ACCSL: variants seen among roughly 807,000 people sequenced by gnomAD.
ACCSL encodes the protein 1-aminocyclopropane-1-carboxylate synthase homolog (inactive) like, also known as probable inactive 1-aminocyclopropane-1-carboxylate synthase-like protein 2.
A neutral mutation model predicts 61.7 loss-of-function variants in ACCSL; 55 were observed. The ratio of observed to expected loss-of-function variants is 0.89; its 90% CI spans 0.72 to 1.12. ACCSL has a LOEUF of 1.12. Ranked by LOEUF, ACCSL falls within the 50% of genes most tolerant of loss-of-function variation. ACCSL has a pLI of 0.00. For missense variants in ACCSL, 632 were observed against 698.0 expected (o/e 0.91, Z 1.07); for synonymous variants, 258 against 264.3 (o/e 0.98, Z 0.23).
the ACCSL span, among the ~76,000 whole-genome samples, chr11:44,024,421 C>T: frequency 9.3e-6 from 1 of 107,338 alleles, no homozygotes; most frequent in African/African-American, 3.7e-5. Context: ...ATCTCTCTCT[C>T]TCTTTCTCTC....
chr11:44,044,290 G>A (rs1200522706), upstream of ACCSL, among the ~76,000 whole-genome samples: 1 of 152,146 alleles, frequency 6.6e-6, no homozygotes, highest in African/African-American at 2.4e-5. Context: ...TGGCTCTAAT[G>A]TGAGACCCTA....
the ACCSL span, among the ~76,000 whole-genome samples, chr11:44,030,084 T>A: frequency 1.5e-5 from 2 of 131,650 alleles, no homozygotes; most frequent in African/African-American, 2.8e-5. Context: ...TTTTTTTTTT[T>A]AGTATAAAGG....
chr11:44,016,756 T>C, the ACCSL span, among the ~76,000 whole-genome samples: 7 of 152,138 alleles, frequency 4.6e-5, no homozygotes, highest in South Asian at 4.1e-4. Context: ...AAAGCTGCTA[T>C]GGCATTTCTT....
upstream of ACCSL, among the ~76,000 whole-genome samples, chr11:44,047,435 C>T (rs562611795): frequency 1.9e-4 from 29 of 152,322 alleles, no homozygotes; most frequent in African/African-American, 6.5e-4. Context: ...TTTTAGGCTT[C>T]GTGGACCACA....
chr11:44,045,423 G>C (rs1952591789), upstream of ACCSL, among the ~76,000 whole-genome samples: 1 of 152,104 alleles, frequency 6.6e-6, no homozygotes, highest in Non-Finnish European at 1.5e-5. Flanking sequence ...CTGGGCGAGA[G>C]AGTGAGATTC....
At chr11:43,996,180 T>C in the ACCSL span, among the ~76,000 whole-genome samples, 3 of 152,212 alleles carry the variant, frequency 2.0e-5, no homozygotes, top group Non-Finnish European at 2.9e-5. Flanking sequence ...TGATCTCAGA[T>C]TTCCAGCCGC....
the ACCSL span, chr11:43,943,228 A>T: frequency 6.6e-7 from 1 of 1,520,362 alleles, no homozygotes. The surrounding 1 kb of genome is among the most constrained non-coding windows in gnomAD (Gnocchi z 4.8). Flanking sequence ...GCAGCTGCAA[A>T]CTGAGGAACA....
chr11:44,028,151 G>C, the ACCSL span, among the ~76,000 whole-genome samples: 2 of 152,036 alleles, frequency 1.3e-5, no homozygotes, highest in South Asian at 4.1e-4. Flanking sequence ...GGGTGACAGA[G>C]TGAGACCCTA....
At chr11:44,029,747 C>T in the ACCSL span, among the ~76,000 whole-genome samples, 2 of 152,138 alleles carry the variant, frequency 1.3e-5, no homozygotes, top group African/African-American at 4.8e-5. Flanking sequence ...CTGCTTACAT[C>T]CTTGCCTGAT....
At chr11:44,035,666 G>A in the ACCSL span, among the ~76,000 whole-genome samples, 7 of 152,130 alleles carry the variant, frequency 4.6e-5, no homozygotes, top group Admixed American at 2.0e-4. Flanking sequence ...GGCAGGGCAC[G>A]GTGGCTCAGG....
At chr11:44,054,373 C>A (rs1952657890) in intron 8 of ACCSL, among the ~76,000 whole-genome samples, 1 of 152,034 alleles carries the variant, frequency 6.6e-6, no homozygotes, top group Non-Finnish European at 1.5e-5. Flanking sequence ...GGGTTCACTT[C>A]CCAGCTATAG....
the ACCSL span, among the ~76,000 whole-genome samples, chr11:43,928,790 G>A: frequency 2.6e-5 from 4 of 152,334 alleles, no homozygotes; most frequent in South Asian, 2.1e-4. Flanking sequence ...CTCCGCTCTC[G>A]GGAAAGAGAG....
chr11:43,941,484 T>G, the ACCSL span, among the ~76,000 whole-genome samples: 1 of 152,378 alleles, frequency 6.6e-6, no homozygotes, highest in Non-Finnish European at 1.5e-5. Flanking sequence ...CTGTGAGCCC[T>G]GCTGGGTGCC....
the ACCSL span, among the ~76,000 whole-genome samples, chr11:43,998,719 T>C: frequency 3.3e-5 from 5 of 152,268 alleles, no homozygotes; most frequent in Admixed American, 1.3e-4. Context: ...ATTGTCACCT[T>C]CTTCATAGAT....
At chr11:44,045,441 AAAAC>A (rs367646742), upstream of ACCSL, among the ~76,000 whole-genome samples, 174 of 152,290 alleles carry the variant, frequency 1.1e-3, 1 homozygote, top group African/African-American at 4.0e-3. Context: ...TTCTGTCTCA[AAAAC>A]AAACAACCCC....
chr11:43,945,963 T>G, the ACCSL span, among the ~76,000 whole-genome samples: 1 of 152,202 alleles, frequency 6.6e-6, no homozygotes, highest in Non-Finnish European at 1.5e-5. Flanking sequence ...GGGACCATAT[T>G]CCCTGCTCAG....
At chr11:43,967,027 T>A in the ACCSL span, among the ~76,000 whole-genome samples, 3 of 152,084 alleles carry the variant, frequency 2.0e-5, no homozygotes, top group Non-Finnish European at 2.9e-5. Context: ...TCATTCTATC[T>A]CATTATATTC....
upstream of ACCSL, among the ~76,000 whole-genome samples, chr11:44,046,430 T>C (rs1952597646): frequency 6.6e-6 from 1 of 152,216 alleles, no homozygotes; most frequent in African/African-American, 2.4e-5. Flanking sequence ...CTCCTACTCA[T>C]TAACTATGTT....
chr11:44,052,553 C>G (rs914775110), intron 5 of ACCSL, 109 bp from the exon 6 acceptor site: 6 of 874,262 alleles, frequency 6.9e-6, no homozygotes, highest in Non-Finnish European at 1.1e-5. Flanking sequence ...TAGAAAGGAT[C>G]GTGAAACTGA....
Sources: gnomAD v4.1 joint callset for allele counts (sites outside exome capture counted in the v4.1 genomes callset) on GRCh38, gnomAD v4.1.1 for gene constraint, Gnocchi (gnomAD v3.1) non-coding constraint, MANE v1.5 for transcripts, NCBI Gene and HGNC (gene_info 2026-07-23, HGNC 2026-07-21) for gene names.